EPHA3: variants seen among roughly 807,000 people sequenced by gnomAD.
The protein encoded by EPHA3 is EPH receptor A3, also known as ephrin type-A receptor 3.
A neutral mutation model predicts 107.1 loss-of-function variants in EPHA3; 42 were observed. The observed-to-expected ratio is 0.39, with a 90% CI of 0.31 to 0.51. The LOEUF is 0.51. EPHA3 is among the 20% of genes least tolerant of loss of function. The pLI is 0.78. For synonymous variants in EPHA3, 461 were observed against 424.8 expected (o/e 1.09, Z -1.05); for missense variants, 1,183 against 1,211.2 (o/e 0.98, Z 0.35).
chr3:89,111,267 T>G (rs1707098978), intron 1 of EPHA3, among the ~76,000 whole-genome samples: 1 of 152,052 alleles, frequency 6.6e-6, no homozygotes, highest in Admixed American at 6.6e-5. Flanking sequence ...ATTTTTTCAT[T>G]TTTAAAAATT....
At chr3:89,133,541 C>T (rs189466549) in intron 2 of EPHA3, among the ~76,000 whole-genome samples, 44 of 152,258 alleles carry the variant, frequency 2.9e-4, no homozygotes, top group African/African-American at 9.1e-4. Flanking sequence ...AGCGATTTCC[C>T]TGCAAAAGGT....
intron 5 of EPHA3, among the ~76,000 whole-genome samples, chr3:89,352,737 CTACAAAAA>C: frequency 6.7e-6 from 1 of 150,102 alleles, no homozygotes; most frequent in Non-Finnish European, 1.5e-5. Flanking sequence ...AACCCTGTCT[CTACAAAAA>C]TACAAAAATT....
chr3:89,339,417 G>C (rs1312370326), intron 3 of EPHA3, among the ~76,000 whole-genome samples: 1 of 151,240 alleles, frequency 6.6e-6, no homozygotes, highest in Non-Finnish European at 1.5e-5. Context: ...ATAATTGTTA[G>C]GGCAGTAGAA....
intron 9 of EPHA3, among the ~76,000 whole-genome samples, chr3:89,409,997 C>G (rs1232973523): frequency 6.6e-6 from 1 of 151,970 alleles, no homozygotes; most frequent in African/African-American, 2.4e-5. Flanking sequence ...GTTTTCATGA[C>G]AGAGCCCAGT....
At position 89,210,117 on chromosome 3, in the gene EPHA3, G is replaced by A. The variant is rs373433238; in HGVS notation, c.411G>A (p.Glu137=). 4 of 1,613,892 alleles carry A rather than the reference G, an allele frequency of 2.5e-6. No individual in the cohort carries two copies. Among genetic ancestry groups the A allele is most frequent in the Admixed American group, 3.3e-5 (2 of 59,978 alleles). Residue 137 remains glutamate, a synonymous_variant, in exon 3 of 17, where the codon GAG becomes GAA. Coordinates refer to ENST00000336596, the MANE Select transcript of EPHA3 (RefSeq NM_005233.6). ...ATGATCATGGGGTGAAATTTCGAGA[G>A]CATCAGTTTACAAAGATTGACACCA... is the stretch of plus-strand genomic sequence containing the variant. ...SDDDHGVKFR[E]HQFTKIDTIA... is the part of the protein sequence containing the mutation.
chr3:89,212,085 T>C (rs1184858404), intron 3 of EPHA3, among the ~76,000 whole-genome samples: 2 of 151,970 alleles, frequency 1.3e-5, no homozygotes, highest in East Asian at 3.9e-4. Flanking sequence ...AAGCTTAAAC[T>C]GATAAGGAGT....
At chr3:89,333,632 G>A (rs1707336204) in intron 3 of EPHA3, among the ~76,000 whole-genome samples, 3 of 152,260 alleles carry the variant, frequency 2.0e-5, no homozygotes, top group Non-Finnish European at 2.9e-5. Context: ...CCAGAAGTTT[G>A]GGAGGTTGAG....
chr3:89,393,089 G>T (rs1351520355), intron 5 of EPHA3, among the ~76,000 whole-genome samples: 1 of 152,096 alleles, frequency 6.6e-6, no homozygotes, highest in Non-Finnish European at 1.5e-5. Context: ...GGTGTACTGA[G>T]TTGAACTTTT....
At chr3:89,186,736 A>C (rs9878894) in intron 2 of EPHA3, among the ~76,000 whole-genome samples, 35,138 of 151,980 alleles carry the variant, frequency 0.23, 4,176 homozygotes, top group Middle Eastern at 0.33. Context: ...GCCACAGTAC[A>C]TTCAGTGTTT....
intron 6 of EPHA3, among the ~76,000 whole-genome samples, chr3:89,398,240 T>C (rs76196277): frequency 0.011 from 1,721 of 152,286 alleles, 37 homozygotes; most frequent in African/African-American, 0.039. Context: ...TAGGTCCTAC[T>C]CTAGGTGCAG....
chr3:89,360,266 T>C (rs557593355), intron 5 of EPHA3, among the ~76,000 whole-genome samples: 1 of 151,038 alleles, frequency 6.6e-6, no homozygotes, highest in East Asian at 1.9e-4. Flanking sequence ...CTCCTATAAA[T>C]AGAAAACTAA....
intron 3 of EPHA3, among the ~76,000 whole-genome samples, chr3:89,273,832 T>A (rs1705740035): frequency 6.6e-6 from 1 of 151,912 alleles, no homozygotes; most frequent in South Asian, 2.1e-4. Context: ...TTTTCTAACA[T>A]GTATTTTCTC....
intron 3 of EPHA3, among the ~76,000 whole-genome samples, chr3:89,235,289 A>G (rs1414338026): frequency 6.6e-6 from 1 of 152,120 alleles, no homozygotes; most frequent in Admixed American, 6.6e-5. Flanking sequence ...AAAAATTTTC[A>G]TTAAAAGTGC....
At chr3:89,261,816 C>T (rs1274853643) in intron 3 of EPHA3, among the ~76,000 whole-genome samples, 1 of 151,082 alleles carries the variant, frequency 6.6e-6, no homozygotes, top group Non-Finnish European at 1.5e-5. Flanking sequence ...AAAAGTGATA[C>T]TATTAGTTTG....
chr3:89,158,993 A>G (rs1049632808), intron 2 of EPHA3, among the ~76,000 whole-genome samples: 5 of 152,140 alleles, frequency 3.3e-5, no homozygotes, highest in African/African-American at 1.2e-4. Context: ...CTGTAGGGCA[A>G]GGGCAATATA....
At chr3:89,133,226 AC>A (rs1260519493) in intron 2 of EPHA3, among the ~76,000 whole-genome samples, 1 of 152,126 alleles carries the variant, frequency 6.6e-6, no homozygotes, top group Admixed American at 6.5e-5. Flanking sequence ...CTCAGCAGGC[AC>A]CTCTTCTAAA....
At chr3:89,131,391 TG>T (rs1031480827) in intron 2 of EPHA3, among the ~76,000 whole-genome samples, 3 of 152,230 alleles carry the variant, frequency 2.0e-5, no homozygotes, top group African/African-American at 7.2e-5. Flanking sequence ...GTTAGGTTAT[TG>T]TTTTTTTCTA....
chr3:89,208,447 A>G lies in EPHA3; in HGVS notation c.154-1413A>G, dbSNP rs1458014460. 1.2e-3 allele frequency among the ~76,000 whole-genome samples: 138 copies of G among 116,484 alleles called. 11 individuals carry two copies. The highest frequency in any genetic ancestry group is 3.0e-3 in the African/African-American group (73 of 24,166). 76.4% of individuals were successfully genotyped at this position (116,484 alleles called of 152,430 possible). A position where few individuals can be genotyped will look rare whatever the true frequency, so the allele number is the denominator to read the frequency against. Reference sequence around the variant, plus strand: ...GGAAGAAAGAAAGAAAGAAAGAAAGAAAGAAAGAAAGAAAGAAAGAAAGAA... The same window carrying G: ...GGAAGAAAGAAAGAAAGAAAGAAAGGAAGAAAGAAAGAAAGAAAGAAAGAA... On this transcript the variant is annotated intron_variant, in intron 2 of 16. Transcript: ENST00000336596.
intron 3 of EPHA3, among the ~76,000 whole-genome samples, chr3:89,229,829 A>G (rs1325057225): frequency 6.6e-6 from 1 of 151,978 alleles, no homozygotes; most frequent in African/African-American, 2.4e-5. Flanking sequence ...TTAAAGAAGA[A>G]CTTGATCGTT....
Sources: gnomAD v4.1 joint callset for allele counts (sites outside exome capture counted in the v4.1 genomes callset) on GRCh38, gnomAD v4.1.1 for gene constraint, MANE v1.5 for transcripts, NCBI Gene and HGNC (gene_info 2026-07-23, HGNC 2026-07-21) for gene names.